Variants in NFIX observed in about 807,000 individuals in gnomAD.
NFIX encodes nuclear factor I X.
Under a neutral mutation model 53.3 loss-of-function variants are expected in NFIX, and 2 were observed. The ratio of observed to expected loss-of-function variants is 0.04; its 90% confidence interval spans 0.02 to 0.12. NFIX has a LOEUF of 0.12. NFIX is among the 10% of genes least tolerant of loss of function. The pLI, the probability that NFIX is intolerant of heterozygous loss-of-function variation, is 1.00. For missense variants in NFIX, 310 were observed against 674.5 expected (o/e 0.46, Z 5.99); for synonymous variants, 244 against 289.0 (o/e 0.84, Z 1.58).
intron 2 of NFIX, among the ~76,000 whole-genome samples, chr19:13,058,683 C>T (rs1388990497): frequency 6.6e-6 from 1 of 151,738 alleles, no homozygotes; most frequent in African/African-American, 2.4e-5. Flanking sequence ...CAGAGCAAGA[C>T]CCTGTCTCAA....
chr19:13,065,754 G>A (rs929452607), intron 2 of NFIX, among the ~76,000 whole-genome samples: 1 of 152,112 alleles, frequency 6.6e-6, no homozygotes, highest in African/African-American at 2.4e-5. Flanking sequence ...GCCGCTCCAT[G>A]CCTGGGCCCA....
At chr19:13,018,988 C>T (rs2012816990) in intron 1 of NFIX, among the ~76,000 whole-genome samples, 1 of 152,194 alleles carries the variant, frequency 6.6e-6, no homozygotes. Context: ...AATATCTGGT[C>T]ATTTCTGTGA....
At chr19:13,059,957 T>C (rs1302124835) in intron 2 of NFIX, among the ~76,000 whole-genome samples, 1 of 151,870 alleles carries the variant, frequency 6.6e-6, no homozygotes, top group Non-Finnish European at 1.5e-5. Context: ...TTAATTTTTT[T>C]TGTATTTTTA....
intron 1 of NFIX, among the ~76,000 whole-genome samples, chr19:13,019,282 T>G (rs1469316523): frequency 2.0e-5 from 3 of 152,234 alleles, no homozygotes; most frequent in Non-Finnish European, 4.4e-5. Flanking sequence ...TTTTTAACAC[T>G]GTATATGTGA....
chr19:13,000,812 G>A (rs922499373), intron 1 of NFIX, among the ~76,000 whole-genome samples: 22 of 152,224 alleles, frequency 1.4e-4, no homozygotes, highest in Admixed American at 1.4e-3. Flanking sequence ...ACCCTATGGT[G>A]GGCACTTGGC....
intron 2 of NFIX, among the ~76,000 whole-genome samples, chr19:13,034,859 A>G (rs2014070146): frequency 6.6e-6 from 1 of 152,270 alleles, no homozygotes; most frequent in South Asian, 2.1e-4. Context: ...GTCCATGATA[A>G]TTAGACAGAG....
rs2016903566 is a variant in NFIX at position 13,073,687 on chromosome 19, T to C, written c.697+191T>C. Among the ~76,000 whole-genome samples, 2 of 152,160 alleles carry C rather than the reference T, an allele frequency of 1.3e-5. No individual in the cohort carries two copies. The highest frequency in any genetic ancestry group is 4.1e-4 in the South Asian group (2 of 4,834). On this transcript the variant is annotated intron_variant, in intron 4 of 10. Coordinates refer to ENST00000592199, the MANE Select transcript of NFIX (RefSeq NM_001365902.3). This position sits in a 1 kb window ranked among gnomAD's most constrained non-coding sequence, Gnocchi z 4.5. ...CAGAGAGGCCTGTCTCCAGTCTCCA[T>C]TGCTTTGGAGGAAAAAGAAAAAGTC...
chr19:13,082,643 T>G (rs1321830977), intron 8 of NFIX: 1 of 152,294 alleles, frequency 6.6e-6, no homozygotes, highest in Non-Finnish European at 1.5e-5. Flanking sequence ...AGCGAAAGAA[T>G]GATCCCAGGA....
intron 2 of NFIX, among the ~76,000 whole-genome samples, chr19:13,055,605 A>G (rs993022297): frequency 1.3e-5 from 2 of 151,690 alleles, no homozygotes; most frequent in Non-Finnish European, 2.9e-5. Context: ...ACCACCCTCC[A>G]CTTGGAGCAG....
In NFIX at chr19:13,005,039, A is replaced by G. The variant is rs1196283867; in HGVS notation, c.27+9175A>G. The stretch of plus-strand genomic sequence containing the variant: ...TCCATGTTGGCCAGACTGGTCTCAA[A>G]CTCCTGGCCTCAAGTGATCCGCCCG... On this transcript the variant is annotated intron_variant, in intron 1 of 10. Transcript: ENST00000592199. The surrounding 1 kb of genome is among the most constrained non-coding windows in gnomAD (Gnocchi z 4.7). 6.6e-6 allele frequency among the ~76,000 whole-genome samples: 1 copy of G among 151,702 alleles called. No individual in the cohort carries two copies. Among genetic ancestry groups the G allele is most frequent in the Non-Finnish European group, 1.5e-5 (1 of 67,908 alleles).
chr19:13,025,386 G>T lies in NFIX; in HGVS notation c.393G>T (p.Leu131=). ...RQADKVWRLD[L]VMVILFKGIP... ...CTGACAAGGTGTGGCGGCTGGACCT[G>T]GTCATGGTGATTTTGTTTAAGGGGA... The change falls in exon 2 of 11, where the codon CTG becomes CTT. Residue 131 remains leucine, a synonymous_variant. Coordinates refer to ENST00000592199, the MANE Select transcript of NFIX (RefSeq NM_001365902.3). This position sits in a 1 kb window ranked among gnomAD's most constrained non-coding sequence, Gnocchi z 7.5. The T allele has an allele frequency of 4.3e-6, 7 of 1,614,056 alleles. No homozygotes were observed. The highest frequency in any genetic ancestry group is 5.9e-6 in the Non-Finnish European group (7 of 1,179,920).
chr19:13,062,005 G>T (rs2016121858), intron 2 of NFIX, among the ~76,000 whole-genome samples: 1 of 152,074 alleles, frequency 6.6e-6, no homozygotes, highest in South Asian at 2.1e-4. Flanking sequence ...GGCTCTTAGG[G>T]CTCCAAGCTG....
At chr19:13,086,811 G>A (rs898380966) in intron 8 of NFIX, among the ~76,000 whole-genome samples, 4 of 152,206 alleles carry the variant, frequency 2.6e-5, no homozygotes, top group African/African-American at 9.6e-5. Flanking sequence ...GCACAGGGGA[G>A]CCCCATACAC....
chr19:13,077,186 GGCTCCTGT>G (rs2017159337), intron 6 of NFIX, among the ~76,000 whole-genome samples: 1 of 152,094 alleles, frequency 6.6e-6, no homozygotes. Flanking sequence ...AGGGCTCCTG[GGCTCCTGT>G]GCCCAGACCT....
chr19:13,037,209 G>A lies in NFIX; in HGVS notation c.559+11657G>A, dbSNP rs2014263489. On this transcript the variant is annotated intron_variant, in intron 2 of 10. Transcript: ENST00000592199. This position sits in a 1 kb window ranked among gnomAD's most constrained non-coding sequence, Gnocchi z 4.2. Reference sequence around the variant, plus strand: ...CCTTGGCTGTGTGTCAGGGAGAAGAGGGGAGCTACAGAGTCTTCCCTGTCC... The same window carrying A: ...CCTTGGCTGTGTGTCAGGGAGAAGAAGGGAGCTACAGAGTCTTCCCTGTCC... Among the ~76,000 whole-genome samples, 1 of 152,178 alleles carries A rather than the reference G, an allele frequency of 6.6e-6. No homozygotes were observed. Among genetic ancestry groups the A allele is most frequent in the Admixed American group, 6.5e-5 (1 of 15,288 alleles).
At chr19:13,074,102 AG>A in intron 5 of NFIX, 76 bp downstream of exon 5, 1 of 1,582,380 alleles carries the variant, frequency 6.3e-7, no homozygotes, top group Non-Finnish European at 8.6e-7. Flanking sequence ...GGCTATAGTC[AG>A]CTGTGTCACT....
At chr19:13,019,108 G>A (rs1204698828) in intron 1 of NFIX, among the ~76,000 whole-genome samples, 1 of 119,592 alleles carries the variant, frequency 8.4e-6, no homozygotes, top group Non-Finnish European at 1.7e-5. Flanking sequence ...GCAGGATGTG[G>A]ACACATAGGA....
At chr19:13,024,516 G>C in intron 1 of NFIX, 8 of 1,512,818 alleles carry the variant, frequency 5.3e-6, no homozygotes, top group South Asian at 3.6e-5. Flanking sequence ...GCCAAAAATC[G>C]ACCGGTGTCG....
chr19:13,073,869 C>G lies in NFIX; in HGVS notation c.698-37C>G, dbSNP rs934038538. On this transcript the variant is annotated intron_variant, in intron 4 of 10. Coordinates refer to ENST00000592199, the MANE Select transcript of NFIX (RefSeq NM_001365902.3). The surrounding 1 kb of genome is among the most constrained non-coding windows in gnomAD (Gnocchi z 4.5). ...GAAACAGACCCCATCAGGCCTCCCC[C>G]CACCTCCAAACCTCATCACCCTCTC... The G allele has an allele frequency of 1.2e-6, 2 of 1,613,646 alleles. No homozygotes were observed. The highest frequency in any genetic ancestry group is 1.7e-6 in the Non-Finnish European group (2 of 1,179,794).
Sources: gnomAD v4.1 joint callset for allele counts (sites outside exome capture counted in the v4.1 genomes callset) on GRCh38, gnomAD v4.1.1 for gene constraint, Gnocchi (gnomAD v3.1) non-coding constraint, MANE v1.5 for transcripts, NCBI Gene and HGNC (gene_info 2026-07-23, HGNC 2026-07-21) for gene names.